Variants in NOS3 observed in about 807,000 individuals in gnomAD.
NOS3 encodes the protein NOS type III.
A neutral mutation model predicts 144.9 loss-of-function variants in NOS3; 98 were observed. The ratio of observed to expected loss-of-function variants is 0.68; its 90% CI spans 0.57 to 0.80. NOS3 has a LOEUF of 0.80. NOS3 is among the 30% of genes least tolerant of loss of function. The pLI is 0.00. For synonymous variants in NOS3, 714 were observed against 702.4 expected, an observed-to-expected ratio of 1.02 and a Z score of -0.26; for missense variants, 1,465 against 1,656.4, an observed-to-expected ratio of 0.88 and a Z score of 2.01.
rs771478172 is a variant in NOS3 at position 151,009,014 on chromosome 7, C to G, written c.2197C>G (p.Gln733Glu). The change falls in exon 18 of 27, where the codon CAG becomes GAG. Residue 733 changes from glutamine to glutamate, a missense_variant. Coordinates refer to ENST00000297494, the MANE Select transcript of NOS3 (RefSeq NM_000603.5). ...CAGCCCCAAACGGAGCTGGAAGCGC[C>G]AGAGGTACCGGCTGAGCGCCCAGGC... ...IFSPKRSWKR[Q>E]RYRLSAQAEG... is the part of the protein sequence containing the mutation. The G allele has an allele frequency of 6.2e-7, 1 of 1,612,250 alleles. No homozygotes were observed. The highest frequency in any genetic ancestry group is 8.5e-7 in the Non-Finnish European group (1 of 1,179,562).
Position 150,999,216 on chromosome 7 carries a change from T to C in NOS3, c.983T>C (p.Leu328Pro), listed in dbSNP as rs1412012518. Residue 328 changes from leucine (L) to proline (P), a missense_variant, in exon 9 of 27, where the codon CTG becomes CCG. Physicochemically the swap from Leu to Pro is moderately conservative, Grantham distance 98 (BLOSUM62 -3). This residue lies in a region of NOS3 where 745 missense variants were observed against 853.9 expected (regional missense o/e 0.87). Transcript: ENST00000297494. ...CTGGAGTGGTTTGCAGCCCTGGGCC[T>C]GCGCTGGTACGCCCTCCCGGCAGTG... The part of the protein sequence containing the change: ...PTLEWFAALG[L>P]RWYALPAVSN... 6.2e-7 allele frequency: 1 copy of C among 1,610,872 alleles called. No individual in the cohort carries two copies. Among genetic ancestry groups the C allele is most frequent in the Non-Finnish European group, 8.5e-7 (1 of 1,179,228 alleles).
chr7:151,013,952 G>T, intron 26 of NOS3, 34 bp downstream of exon 26: 4 of 1,604,286 alleles, frequency 2.5e-6, no homozygotes, highest in Non-Finnish European at 3.4e-6. Flanking sequence ...GAGCGTGCGG[G>T]GTTCCTGCTA....
At chr7:150,995,052 C>T (rs1802340631) in intron 2 of NOS3, 151 bp from the exon 3 acceptor site, 2 of 549,894 alleles carry the variant, frequency 3.6e-6, no homozygotes, top group Admixed American at 3.1e-5. Flanking sequence ...CACAGCTCGC[C>T]TCTAGCTCCT....
chr7:151,008,951 G>A lies in NOS3; in HGVS notation c.2134G>A (p.Val712Met), dbSNP rs767103114. The A allele has an allele frequency of 6.2e-7, 1 of 1,610,362 alleles. No homozygotes were observed. Among genetic ancestry groups the A allele is most frequent in the East Asian group, 2.2e-5 (1 of 44,788 alleles). ...GCAGGCCGCCTGTGAGACCTTCTGT[G>A]TGGGAGAGGATGCCAAGGCCGCCGC... ...AFQAACETFC[V>M]GEDAKAAARD... The change falls in exon 18 of 27, where the codon GTG (valine) becomes ATG (methionine). Residue 712 changes from valine to methionine, a missense_variant. Transcript: ENST00000297494.
chr7:151,009,011 C>A lies in NOS3; in HGVS notation c.2194C>A (p.Arg732Ser), dbSNP rs1293830431. 1 of 1,612,078 alleles carries A rather than the reference C, an allele frequency of 6.2e-7. No homozygotes were observed. ...DIFSPKRSWK[R>S]QRYRLSAQAE... ...CTTCAGCCCCAAACGGAGCTGGAAGCGCCAGAGGTACCGGCTGAGCGCCCA... is the reference window on the plus strand; with the variant it reads ...CTTCAGCCCCAAACGGAGCTGGAAGAGCCAGAGGTACCGGCTGAGCGCCCA... Residue 732 changes from arginine to serine, a missense_variant, in exon 18 of 27, where the codon CGC becomes AGC. Arg to Ser is a moderately radical substitution (Grantham distance 110, BLOSUM62 -1). Transcript: ENST00000297494.
chr7:151,009,299 C>A, intron 19 of NOS3, 32 bp downstream of exon 19: 1 of 1,554,392 alleles, frequency 6.4e-7, no homozygotes. Context: ...CCCCCCCACC[C>A]CTGTCCTGAA....
chr7:151,005,215 TACA>T (rs896112787), intron 14 of NOS3, among the ~76,000 whole-genome samples: 25 of 152,252 alleles, frequency 1.6e-4, no homozygotes, highest in African/African-American at 6.0e-4. Flanking sequence ...GTTGTACATT[TACA>T]ACATGTGTGC....
rs747847427 is a variant in NOS3, at chr7:150,998,366, G to A, written c.592G>A (p.Ala198Thr). The change falls in exon 6 of 27, where the codon GCC becomes ACC. Residue 198 changes from alanine to threonine, a missense_variant. By Grantham distance (58) the Ala-to-Thr change is moderately conservative. Coordinates refer to ENST00000297494, the MANE Select transcript of NOS3 (RefSeq NM_000603.5). The surrounding 1 kb of genome is among the most constrained non-coding windows in gnomAD (Gnocchi z 5.0). ...IQWGKLQVFD[A>T]RDCRSAQEMF... ...GCCTCGGCTGGCTCAGGTGTTCGAT[G>A]CCCGGGACTGCAGGTCTGCACAGGA... is the stretch of plus-strand genomic sequence containing the variant. 6.2e-7 allele frequency: 1 copy of A among 1,611,850 alleles called. No individual in the cohort carries two copies. The highest frequency in any genetic ancestry group is 1.7e-5 in the Admixed American group (1 of 59,892).
rs1379060831 is a variant in NOS3, at chr7:150,996,812, G to A, written c.469G>A (p.Val157Met). The change falls in exon 5 of 27, where the codon GTG becomes ATG. Residue 157 changes from valine (V) to methionine (M), a missense_variant. Transcript: ENST00000297494. ...GCGGCTTCAAGAGGTGGAAGCCGAG[G>A]TGGCAGCCACAGGCACCTACCAGCT... Reference protein sequence around the residue: ...EQRLQEVEAEVAATGTYQLRE... With the variant: ...EQRLQEVEAEMAATGTYQLRE... The A allele has an allele frequency of 1.2e-6, 2 of 1,610,876 alleles. No homozygotes were observed. The highest frequency in any genetic ancestry group is 1.7e-6 in the Non-Finnish European group (2 of 1,179,528).
intron 2 of NOS3, among the ~76,000 whole-genome samples, chr7:150,994,749 T>C (rs1195942872): frequency 1.3e-5 from 2 of 152,018 alleles, no homozygotes; most frequent in Non-Finnish European, 1.5e-5. Flanking sequence ...TGGGAGGAAG[T>C]GATAAGGCCT....
chr7:151,008,790 A>G, intron 17 of NOS3, 140 bp from the exon 18 acceptor site: 1 of 948,018 alleles, frequency 1.1e-6, no homozygotes, highest in Non-Finnish European at 1.5e-6. Flanking sequence ...CTGGCGGAAA[A>G]GGTGCTGTCC....
chr7:151,011,056 C>A, intron 23 of NOS3, 70 bp downstream of exon 23: 1 of 1,049,270 alleles, frequency 9.5e-7, no homozygotes, highest in Non-Finnish European at 1.5e-6. Context: ...AGGAGTGTCA[C>A]TGGTGAGGGG....
rs1438722177 is a variant in NOS3, at chr7:151,010,587, G to C, written c.2686-10G>C. 4.5e-6 allele frequency: 7 copies of C among 1,561,306 alleles called. No individual in the cohort carries two copies. Among genetic ancestry groups the C allele is most frequent in the Non-Finnish European group, 5.2e-6 (6 of 1,152,488 alleles). ...TGGGGCCTCCAACCCACTGCATCCTGCCCCGCCAGGATCCCCGACGCTACG... is the reference window on the plus strand; with the variant it reads ...TGGGGCCTCCAACCCACTGCATCCTCCCCCGCCAGGATCCCCGACGCTACG... On this transcript the variant is annotated splice_polypyrimidine_tract_variant and intron_variant, in intron 21 of 26. Transcript: ENST00000297494.
In NOS3 at chr7:151,010,701, C is replaced by G; in HGVS notation, c.2790C>G (p.Thr930=). ...CGCTGCCTGCCCCACTGCTCCTCAC[C>G]CAGCTGCCTCTGCTCCAGCCCCGGT... ...SVALPAPLLL[T]QLPLLQPRYY... Residue 930 remains threonine, a synonymous_variant, in exon 22 of 27, where the codon ACC becomes ACG. Transcript: ENST00000297494. The G allele has an allele frequency of 6.2e-7, 1 of 1,611,872 alleles. No homozygotes were observed.
intron 2 of NOS3, among the ~76,000 whole-genome samples, chr7:150,994,706 A>G (rs1802329726): frequency 6.6e-6 from 1 of 152,140 alleles, no homozygotes; most frequent in Non-Finnish European, 1.5e-5. Context: ...CCTTGGCCTG[A>G]GTCCCTCCCT....
Position 151,001,550 on chromosome 7 carries a change from C to T in NOS3, c.1435C>T (p.Pro479Ser), listed in dbSNP as rs1461084090. The change falls in exon 12 of 27, where the codon CCC becomes TCC. Residue 479 changes from proline to serine, a missense_variant. Around this residue, in one of 5 missense-constraint regions of NOS3, gnomAD observed 745 missense variants for 853.9 expected, o/e 0.87. Transcript: ENST00000297494. The stretch of plus-strand genomic sequence containing the variant: ...CCCCATCATCTCTCTGCAGCCAGAC[C>T]CCTGGAAGGGGAGTGCCGCCAAGGG... ...LSPAFRYQPDPWKGSAAKGTG... is the reference protein window; with the variant it reads ...LSPAFRYQPDSWKGSAAKGTG... 14 of 1,613,878 alleles carry T rather than the reference C, an allele frequency of 8.7e-6. No individual in the cohort carries two copies. Among genetic ancestry groups the T allele is most frequent in the African/African-American group, 1.3e-5 (1 of 74,946 alleles).
In NOS3 at chr7:151,013,282, T is replaced by C; in HGVS notation, c.3158T>C (p.Leu1053Pro). The C allele has an allele frequency of 1.2e-6, 2 of 1,614,030 alleles. No homozygotes were observed. The highest frequency in any genetic ancestry group is 1.7e-6 in the Non-Finnish European group (2 of 1,179,994). Residue 1053 changes from leucine (L) to proline (P), a missense_variant, in exon 25 of 27, where the codon CTT (leucine) becomes CCT (proline). Physicochemically the swap from Leu to Pro is moderately conservative, Grantham distance 98. Coordinates refer to ENST00000297494, the MANE Select transcript of NOS3 (RefSeq NM_000603.5). ...GTGTTCGGCTGCCGATGCTCCCAAC[T>C]TGACCATCTCTACCGCGACGAGGTG... ...TLVFGCRCSQ[L>P]DHLYRDEVQN...
chr7:151,013,724 A>ACCTAC lies in NOS3; in HGVS notation c.3257_3261dup (p.Val1088ProfsTer7). On this transcript the variant is annotated frameshift_variant and splice_region_variant, in exon 26 of 27. Coordinates refer to ENST00000297494, the MANE Select transcript of NOS3 (RefSeq NM_000603.5). LOFTEE classifies it high-confidence loss of function. ...CCGCCCTAACCCCGCCGCCCCGCAG[A>ACCTAC]CCTACGTGCAGGACATCCTGAGGAC... 1.2e-6 allele frequency: 2 copies of ACCTAC among 1,600,036 alleles called. No homozygotes were observed. The highest frequency in any genetic ancestry group is 1.7e-6 in the Non-Finnish European group (2 of 1,173,992).
intron 1 of NOS3, among the ~76,000 whole-genome samples, chr7:150,991,548 G>C (rs1802255498): frequency 6.6e-6 from 1 of 152,214 alleles, no homozygotes; most frequent in Non-Finnish European, 1.5e-5. Context: ...TGCTGGAGTG[G>C]CTTTGTTCTT....
Sources: gnomAD v4.1 joint callset for allele counts (sites outside exome capture counted in the v4.1 genomes callset) on GRCh38, gnomAD v4.1.1 for gene constraint, gnomAD v4.1.1 regional missense constraint, Gnocchi (gnomAD v3.1) non-coding constraint, MANE v1.5 for transcripts, NCBI Gene and HGNC (gene_info 2026-07-23, HGNC 2026-07-21) for gene names.